The following RAPGEF6 variants were observed in gnomAD, a reference collection of about 807,000 sequenced individuals.
RAPGEF6 encodes Rap guanine nucleotide exchange factor 6.
Under a neutral mutation model 171.4 loss-of-function variants are expected in RAPGEF6, and 56 were observed. The observed-to-expected ratio is 0.33, with a 90% CI of 0.26 to 0.41. The LOEUF (loss-of-function observed/expected upper bound fraction) is 0.41. RAPGEF6 is among the 10% of genes least tolerant of loss of function. The pLI is 1.00. For synonymous variants in RAPGEF6, 692 were observed against 650.1 expected (o/e 1.06, Z -0.98); for missense variants, 1,674 against 1,921.4 (o/e 0.87, Z 2.41).
intron 19 of RAPGEF6, among the ~76,000 whole-genome samples, chr5:131,460,471 G>A (rs886415394): frequency 1.6e-4 from 24 of 152,088 alleles, no homozygotes; most frequent in African/African-American, 5.3e-4. Context: ...CTCTAAAACT[G>A]AGCCCGTAAT....
At chr5:131,467,979 C>T (rs1384987602) in intron 17 of RAPGEF6, among the ~76,000 whole-genome samples, 4 of 151,120 alleles carry the variant, frequency 2.6e-5, no homozygotes, top group Non-Finnish European at 4.4e-5. Context: ...TGCAGTGAGC[C>T]GAGATCATAC....
chr5:131,506,594 T>C (rs1757386326), intron 9 of RAPGEF6, among the ~76,000 whole-genome samples: 1 of 152,198 alleles, frequency 6.6e-6, no homozygotes, highest in African/African-American at 2.4e-5. Context: ...ATAAGGTATT[T>C]TTTTTCAAAA....
chr5:131,622,024 C>T lies in RAPGEF6; in HGVS notation c.69+12938G>A, dbSNP rs375678489. 1.5e-4 allele frequency among the ~76,000 whole-genome samples: 23 copies of T among 152,316 alleles called. No individual in the cohort carries two copies. In the East Asian group the frequency reaches 4.4e-3, roughly 29 times the overall value. On this transcript the variant is annotated intron_variant, in intron 1 of 27. Coordinates refer to ENST00000509018, the MANE Select transcript of RAPGEF6 (RefSeq NM_016340.6). Reference sequence around the variant, plus strand: ...ACTATCTTTAATCTTTTATCCCTGGCACATGAAACAGTGCTTACTTAATAT... The same window carrying T: ...ACTATCTTTAATCTTTTATCCCTGGTACATGAAACAGTGCTTACTTAATAT...
chr5:131,510,374 G>A lies in RAPGEF6; in HGVS notation c.745C>T (p.Arg249Ter). The change falls in exon 8 of 28, where the codon CGA becomes TGA. Residue 249 changes from arginine (R) to a stop codon, truncating the protein, a stop_gained. Coordinates refer to ENST00000509018, the MANE Select transcript of RAPGEF6 (RefSeq NM_016340.6). LOFTEE classifies it high-confidence loss of function. ...EIDRTDPLQG[R>*]DLVRECLEKE... ...TCAAGACATTCTCGAACAAGATCTC[G>A]CCCCTGCAATGGATCTGTTCGATCA... 2 of 1,613,880 alleles carry A rather than the reference G, an allele frequency of 1.2e-6. No homozygotes were observed. Among genetic ancestry groups the A allele is most frequent in the Non-Finnish European group, 1.7e-6 (2 of 1,179,962 alleles).
rs142524142 is a variant in RAPGEF6, at chr5:131,562,786, T to C, written c.282-739A>G. On this transcript the variant is annotated intron_variant, in intron 4 of 27. Coordinates refer to ENST00000509018, the MANE Select transcript of RAPGEF6 (RefSeq NM_016340.6). Reference sequence around the variant, plus strand: ...AGAGATGCAACCATCCATTTTTTTTTCCAGGATCAGCAGTTGCTTGAATTA... The same window carrying C: ...AGAGATGCAACCATCCATTTTTTTTCCCAGGATCAGCAGTTGCTTGAATTA... Among the ~76,000 whole-genome samples, 408 of 152,260 alleles carry C rather than the reference T, an allele frequency of 2.7e-3. 3 individuals are homozygous for C. Among genetic ancestry groups the C allele is most frequent in the African/African-American group, 9.5e-3 (393 of 41,568 alleles).
At position 131,619,465 on chromosome 5, in the gene RAPGEF6, T is replaced by C. The variant is rs181989540; in HGVS notation, c.70-14772A>G. Among the ~76,000 whole-genome samples, 296 of 152,334 alleles carry C rather than the reference T, an allele frequency of 1.9e-3. No individual in the cohort carries two copies. The Middle Eastern group carries it at 0.02, about 11-fold the overall frequency. ...CACATGTATCTGAGAACTTAAAGTA[T>C]AATTTTAAAAAATTACACCCTAAAA... is the stretch of plus-strand genomic sequence containing the variant. On this transcript the variant is annotated intron_variant, in intron 1 of 27. Transcript: ENST00000509018.
chr5:131,603,676 G>A (rs1764385205), intron 2 of RAPGEF6, among the ~76,000 whole-genome samples: 1 of 151,940 alleles, frequency 6.6e-6, no homozygotes, highest in Non-Finnish European at 1.5e-5. Flanking sequence ...TACTGGCAGA[G>A]GCATGTACAT....
Position 131,622,690 on chromosome 5 carries a change from T to C in RAPGEF6, c.69+12272A>G, listed in dbSNP as rs189893321. On this transcript the variant is annotated intron_variant, in intron 1 of 27. Coordinates refer to ENST00000509018, the MANE Select transcript of RAPGEF6 (RefSeq NM_016340.6). ...CTGGAAAAGATGTTCATCCAGATAA[T>C]CCAGGTCTCATCCAGATCTAACATT... is the stretch of plus-strand genomic sequence containing the variant. Among the ~76,000 whole-genome samples, 221 of 152,242 alleles carry C rather than the reference T, an allele frequency of 1.5e-3. 1 individual carries two copies. The highest frequency in any genetic ancestry group is 5.1e-3 in the African/African-American group (211 of 41,546).
chr5:131,573,918 A>T (rs1482540876), intron 4 of RAPGEF6, among the ~76,000 whole-genome samples: 1 of 152,142 alleles, frequency 6.6e-6, no homozygotes, highest in Non-Finnish European at 1.5e-5. Context: ...CAAAAGTTGG[A>T]TTCTGGCCCT....
At chr5:131,436,191 C>T in intron 24 of RAPGEF6, 2 of 1,537,678 alleles carry the variant, frequency 1.3e-6, no homozygotes, top group South Asian at 2.4e-5. Context: ...ACGGGGATGT[C>T]ATTCTTTTTC....
rs767503153 is a variant in RAPGEF6 at position 131,495,588 on chromosome 5, A to G, written c.1492T>C (p.Phe498Leu). 1.9e-6 allele frequency: 3 copies of G among 1,613,890 alleles called. No individual in the cohort carries two copies. The highest frequency in any genetic ancestry group is 2.2e-5 in the East Asian group (1 of 44,850). The change falls in exon 13 of 28, where the codon TTT becomes CTT. Residue 498 changes from phenylalanine (F) to leucine (L), a missense_variant. By Grantham distance (22) the Phe-to-Leu change is conservative. Transcript: ENST00000509018. ...AGATTTTTTTCAAATTCCTCTAGAA[A>G]TCGAGTCATAGCAGGGTCACCTTCA... ...DFEGDPAMTRFLEEFEKNLED... is the reference protein window; with the variant it reads ...DFEGDPAMTRLLEEFEKNLED...
intron 17 of RAPGEF6, among the ~76,000 whole-genome samples, chr5:131,465,672 A>C (rs189987870): frequency 1.6e-4 from 25 of 152,080 alleles, no homozygotes; most frequent in African/African-American, 6.0e-4. Context: ...AGTTCCAGCT[A>C]CTCGGGAGGT....
chr5:131,483,358 A>G (rs2149861554), intron 15 of RAPGEF6, among the ~76,000 whole-genome samples: 1 of 151,878 alleles, frequency 6.6e-6, no homozygotes, highest in East Asian at 1.9e-4. Context: ...CAAAAAAAAA[A>G]AAAAAAATGT....
At chr5:131,440,119 G>A in intron 23 of RAPGEF6, 1 of 428,966 alleles carries the variant, frequency 2.3e-6, no homozygotes, top group Middle Eastern at 3.4e-4. Context: ...GGCAGGGGCA[G>A]TGTGGGGATG....
rs149758199 is a variant in RAPGEF6 at position 131,439,191 on chromosome 5, A to G, written c.3745+390T>C. Among the ~76,000 whole-genome samples the G allele has an allele frequency of 3.7e-3, 565 of 152,334 alleles. 4 individuals are homozygous for G. Among genetic ancestry groups the G allele is most frequent in the African/African-American group, 0.013 (534 of 41,574 alleles). ...CTCAGCTTCCCAAAATGCTGGTATT[A>G]TAAGCATGAGCCACTGTGCCTGGCC... is the stretch of plus-strand genomic sequence containing the variant. On this transcript the variant is annotated intron_variant, in intron 24 of 27. Transcript: ENST00000509018.
In RAPGEF6 at chr5:131,472,635, C is replaced by T. The variant is rs1363396053; in HGVS notation, c.2191G>A (p.Asp731Asn). The change falls in exon 17 of 28, where the codon GAT becomes AAT. Residue 731 changes from aspartate to asparagine, a missense_variant. Transcript: ENST00000509018. ...IPGTLSSSSP[D>N]LLQPTTSMLD... ...ATACTGGTGGTAGGCTGCAGGAGAT[C>T]AGGGCTGCTGGATGAGAGTGTTCCA... is the stretch of plus-strand genomic sequence containing the variant. 6.2e-7 allele frequency: 1 copy of T among 1,614,064 alleles called. No individual in the cohort carries two copies. Among genetic ancestry groups the T allele is most frequent in the Admixed American group, 1.7e-5 (1 of 60,014 alleles).
chr5:131,495,745 A>C, intron 12 of RAPGEF6, 85 bp from the exon 13 acceptor site: 60 of 1,491,014 alleles, frequency 4.0e-5, no homozygotes, highest in East Asian at 1.2e-4. Context: ...TCTAAAACTC[A>C]TGAAGAACTG....
At chr5:131,583,526 A>T (rs1405014447) in intron 4 of RAPGEF6, among the ~76,000 whole-genome samples, 1 of 152,144 alleles carries the variant, frequency 6.6e-6, no homozygotes, top group Non-Finnish European at 1.5e-5. Context: ...CAAATTTTCG[A>T]CAGAGCCTTA....
intron 22 of RAPGEF6, among the ~76,000 whole-genome samples, chr5:131,444,042 TTTTAATCCTTA>T: frequency 6.6e-6 from 1 of 152,226 alleles, no homozygotes; most frequent in Non-Finnish European, 1.5e-5. Context: ...CAGGGAGTAC[TTTTAATCCTTA>T]GGTTATCCAG....
Sources: gnomAD v4.1 joint callset for allele counts (sites outside exome capture counted in the v4.1 genomes callset) on GRCh38, gnomAD v4.1.1 for gene constraint, MANE v1.5 for transcripts, NCBI Gene and HGNC (gene_info 2026-07-23, HGNC 2026-07-21) for gene names.